SPOCK1: variants seen among roughly 807,000 people sequenced by gnomAD.
The protein encoded by SPOCK1 is testican-1.
A neutral mutation model predicts 55.3 loss-of-function variants in SPOCK1; 23 were observed. The ratio of observed to expected loss-of-function variants is 0.42; its 90% CI spans 0.30 to 0.59. The LOEUF (loss-of-function observed/expected upper bound fraction) is 0.59. Ranked by LOEUF, SPOCK1 falls within the 20% of genes least tolerant of loss-of-function variation. The probability of loss-of-function intolerance (pLI) is 0.22; values close to 1 mark genes in which losing one functional copy is unlikely to be tolerated. For synonymous variants in SPOCK1, 226 were observed against 221.0 expected, an observed-to-expected ratio of 1.02 and a Z score of -0.20; for missense variants, 499 against 552.5, an observed-to-expected ratio of 0.90 and a Z score of 0.97.
chr5:137,461,110 C>T (rs746013550), intron 2 of SPOCK1, among the ~76,000 whole-genome samples: 2 of 152,166 alleles, frequency 1.3e-5, no homozygotes, highest in Non-Finnish European at 2.9e-5. Context: ...AGAGCGGGGA[C>T]CTCTTCCGTC....
Position 136,998,995 on chromosome 5 carries a change from A to T in SPOCK1, c.590-6395T>A, listed in dbSNP as rs142482076. On this transcript the variant is annotated intron_variant, in intron 6 of 10. Transcript: ENST00000394945. ...AATAAGGCACGTTCAGTCTCCATGGAAAGTACATAGCCCTGGGAAGAAAAC... is the reference window on the plus strand; with the variant it reads ...AATAAGGCACGTTCAGTCTCCATGGTAAGTACATAGCCCTGGGAAGAAAAC... 1.4e-4 allele frequency among the ~76,000 whole-genome samples: 22 copies of T among 152,294 alleles called. No homozygotes were observed. In the East Asian group the frequency reaches 3.1e-3, roughly 21 times the overall value.
chr5:137,178,678 C>T (rs1754907173), intron 3 of SPOCK1, among the ~76,000 whole-genome samples: 1 of 152,204 alleles, frequency 6.6e-6, no homozygotes, highest in Non-Finnish European at 1.5e-5. Flanking sequence ...CTGGGGCCAC[C>T]CTCACACCAG....
At chr5:137,220,696 G>C (rs112455830) in intron 3 of SPOCK1, among the ~76,000 whole-genome samples, 1 of 152,092 alleles carries the variant, frequency 6.6e-6, no homozygotes, top group Non-Finnish European at 1.5e-5. Context: ...CATCTGTTTC[G>C]TCAGCACCTT....
intron 6 of SPOCK1, among the ~76,000 whole-genome samples, chr5:137,001,664 T>G (rs1442041860): frequency 6.6e-6 from 1 of 152,206 alleles, no homozygotes; most frequent in Non-Finnish European, 1.5e-5. Flanking sequence ...CCCTTGCTCT[T>G]CTCTGATCCC....
At chr5:137,270,112 C>T (rs1161972555) in intron 2 of SPOCK1, among the ~76,000 whole-genome samples, 2 of 152,162 alleles carry the variant, frequency 1.3e-5, no homozygotes, top group Non-Finnish European at 2.9e-5. Context: ...TGACAAAGTG[C>T]AGGACATTAA....
intron 2 of SPOCK1, among the ~76,000 whole-genome samples, chr5:137,456,703 A>G (rs1373293779): frequency 6.6e-6 from 1 of 152,210 alleles, no homozygotes; most frequent in Non-Finnish European, 1.5e-5. Context: ...AAGAACCCAT[A>G]ACCAGTAAAA....
chr5:137,079,533 T>TCCG lies in SPOCK1; in HGVS notation c.475-11705_475-11704insCGG, dbSNP rs766268018. 1.7e-3 allele frequency among the ~76,000 whole-genome samples: 67 copies of TCCG among 38,648 alleles called. 1 individual carries two copies. The highest frequency in any genetic ancestry group is 4.1e-3 in the Non-Finnish European group (48 of 11,646). 25.4% of individuals were successfully genotyped at this position (38,648 alleles called of 152,430 possible). On this transcript the variant is annotated intron_variant, in intron 5 of 10. Coordinates refer to ENST00000394945, the MANE Select transcript of SPOCK1 (RefSeq NM_004598.4). The stretch of plus-strand genomic sequence containing the variant: ...TGTCTCTCCTACCATCCCATCTGAT[T>TCCG]CCCCCCCCCCCCGACTTAGTGAAAT...
chr5:137,387,026 C>T (rs1751612640), intron 2 of SPOCK1, among the ~76,000 whole-genome samples: 1 of 152,134 alleles, frequency 6.6e-6, no homozygotes, highest in South Asian at 2.1e-4. Flanking sequence ...TTACAGAAGA[C>T]ATACAGGTGG....
intron 4 of SPOCK1, among the ~76,000 whole-genome samples, chr5:137,116,992 C>G (rs1232874895): frequency 6.6e-6 from 1 of 152,196 alleles, no homozygotes; most frequent in Non-Finnish European, 1.5e-5. Context: ...TCCACCATAG[C>G]CTAGTGACCA....
rs184509617 is a variant in SPOCK1 at position 137,146,142 on chromosome 5, C to T, written c.233-5448G>A. On this transcript the variant is annotated intron_variant, in intron 3 of 10. Transcript: ENST00000394945. ...GAAAGTGGCACTTAGTAAGAACAGA[C>T]ACACTACATATATTCTCGTCCGCCA... Among the ~76,000 whole-genome samples the T allele has an allele frequency of 2.7e-3, 407 of 152,270 alleles. 2 individuals are homozygous for T. Among genetic ancestry groups the T allele is most frequent in the African/African-American group, 9.2e-3 (382 of 41,546 alleles).
intron 3 of SPOCK1, among the ~76,000 whole-genome samples, chr5:137,209,906 A>C (rs1056113634): frequency 1.3e-5 from 2 of 152,254 alleles, no homozygotes; most frequent in African/African-American, 4.8e-5. Flanking sequence ...GCTCTTGGGC[A>C]TTAAGACTCA....
At chr5:137,463,708 G>A (rs1561542443) in intron 2 of SPOCK1, among the ~76,000 whole-genome samples, 1 of 152,160 alleles carries the variant, frequency 6.6e-6, no homozygotes, top group Non-Finnish European at 1.5e-5. Context: ...CCAGCACTTT[G>A]AGAGGCCAAG....
chr5:137,034,538 A>G (rs1002077228), intron 6 of SPOCK1, among the ~76,000 whole-genome samples: 1 of 152,186 alleles, frequency 6.6e-6, no homozygotes, highest in Non-Finnish European at 1.5e-5. Flanking sequence ...CCTATATAAA[A>G]TATTTCACAG....
intron 2 of SPOCK1, among the ~76,000 whole-genome samples, chr5:137,334,859 T>C (rs200063726): frequency 3.3e-5 from 5 of 152,082 alleles, no homozygotes; most frequent in Admixed American, 6.5e-5. Context: ...AAACAGGTGG[T>C]ACTGACCGAT....
At chr5:137,111,545 A>G (rs10477791) in intron 5 of SPOCK1, among the ~76,000 whole-genome samples, 38,977 of 152,026 alleles carry the variant, frequency 0.26, 5,441 homozygotes, top group Non-Finnish European at 0.32. Context: ...TGGTTGTCGG[A>G]TATGAAAATG....
intron 5 of SPOCK1, among the ~76,000 whole-genome samples, chr5:137,071,470 C>T (rs937155992): frequency 6.6e-6 from 1 of 152,190 alleles, no homozygotes; most frequent in African/African-American, 2.4e-5. Context: ...GGAAGCGTCA[C>T]AAACATTGAT....
intron 3 of SPOCK1, among the ~76,000 whole-genome samples, chr5:137,187,264 T>C (rs966875691): frequency 6.6e-5 from 10 of 152,192 alleles, no homozygotes; most frequent in African/African-American, 2.2e-4. Context: ...GTCAGCAGCC[T>C]GCTTCTCCTC....
intron 6 of SPOCK1, among the ~76,000 whole-genome samples, chr5:137,037,156 A>G (rs1363174856): frequency 6.6e-6 from 1 of 152,024 alleles, no homozygotes; most frequent in Non-Finnish European, 1.5e-5. Context: ...AGGAAGAAAG[A>G]CAGGAGCCCA....
rs553673700 is a variant in SPOCK1, at chr5:137,202,155, G to A, written c.233-61461C>T. Among the ~76,000 whole-genome samples the A allele has an allele frequency of 1.5e-3, 230 of 152,198 alleles. 1 individual carries two copies. The highest frequency in any genetic ancestry group is 4.9e-3 in the African/African-American group (203 of 41,528). On this transcript the variant is annotated intron_variant, in intron 3 of 10. Transcript: ENST00000394945. ...CATACTGATCCCATTCTTATGACTC[G>A]GCCTCTAGGGACATCCCAGACTCAT...
Sources: allele counts gnomAD v4.1 joint callset (sites outside exome capture counted in the v4.1 genomes callset), GRCh38; gene constraint gnomAD v4.1.1; transcripts MANE v1.5; gene names NCBI Gene and HGNC (gene_info 2026-07-23, HGNC 2026-07-21).